The following NFATC2 variants were observed in gnomAD, a reference collection of about 807,000 sequenced individuals.
NFATC2 encodes the protein nuclear factor of activated T-cells, cytoplasmic 2.
A neutral mutation model predicts 87.3 loss-of-function variants in NFATC2; 22 were observed. That is an observed-to-expected ratio of 0.25 (90% CI 0.18 to 0.36). The LOEUF is 0.36. Among genes scored for constraint, NFATC2 ranks in the 10% least tolerant of loss-of-function variants. The probability of loss-of-function intolerance (pLI) is 1.00; values close to 1 mark genes in which losing one functional copy is unlikely to be tolerated. For synonymous variants in NFATC2, 565 were observed against 542.2 expected (o/e 1.04, Z -0.58); for missense variants, 1,149 against 1,259.1 (o/e 0.91, Z 1.32).
At chr20:51,517,002 A>G in intron 2 of NFATC2, 47 bp from the exon 3 acceptor site, 1 of 1,558,584 alleles carries the variant, frequency 6.4e-7, no homozygotes, top group South Asian at 1.2e-5. Flanking sequence ...AACCAAAATT[A>G]GTCAACTTGT....
rs574857121 is a variant in NFATC2, at chr20:51,472,100, AAAC to A, written c.1708+1877_1708+1879del. On this transcript the variant is annotated intron_variant, in intron 5 of 10. Transcript: ENST00000371564. Reference sequence around the variant, plus strand: ...AAACCCTGTCTCTACTAAAAAATACAAACAATTAGCCAGGCGTGGTAGTGGGTG... The same window carrying A: ...AAACCCTGTCTCTACTAAAAAATACAAATTAGCCAGGCGTGGTAGTGGGTG... Among the ~76,000 whole-genome samples the A allele has an allele frequency of 2.0e-4, 31 of 152,252 alleles. No individual in the cohort carries two copies. The East Asian group carries it at 6.0e-3, about 29-fold the overall frequency.
intron 6 of NFATC2, among the ~76,000 whole-genome samples, chr20:51,448,106 C>T (rs1442653552): frequency 6.6e-6 from 1 of 152,238 alleles, no homozygotes; most frequent in Non-Finnish European, 1.5e-5. Context: ...CGCTGAGACT[C>T]TGCTGTCAAG....
intron 9 of NFATC2, among the ~76,000 whole-genome samples, chr20:51,426,875 ACTG>A (rs983102315): frequency 5.5e-5 from 2 of 36,660 alleles, no homozygotes; most frequent in Non-Finnish European, 2.1e-4. Flanking sequence ...AGAATGCACT[ACTG>A]ATTTCTGAAT....
rs1403545895 is a variant in NFATC2, at chr20:51,471,996, C to T, written c.1708+1984G>A. On this transcript the variant is annotated intron_variant, in intron 5 of 10. Transcript: ENST00000371564. The stretch of plus-strand genomic sequence containing the variant: ...GGCCAGGTGTGGTGGCTCACACCTG[C>T]GATCCCAGCACTTTGGGAGGCTGAG... Among the ~76,000 whole-genome samples, 6 of 152,130 alleles carry T rather than the reference C, an allele frequency of 3.9e-5. No individual in the cohort carries two copies. In the East Asian group the frequency reaches 5.8e-4, roughly 15 times the overall value.
chr20:51,391,474 G>GC lies in NFATC2; in HGVS notation c.*45-24_*45-23insG, dbSNP rs577989142. The GC allele has an allele frequency of 5.2e-5, 82 of 1,585,032 alleles. 1 individual carries two copies. The highest frequency in any genetic ancestry group is 3.9e-4 in the Middle Eastern group (2 of 5,096). ...TAACTACAAAAGAAAAGAGGAGGGG[G>GC]GGGGAGAGAGAATGGGGCAAGTGAG... is the stretch of plus-strand genomic sequence containing the variant. On this transcript the variant is annotated intron_variant, in intron 10 of 10. Transcript: ENST00000371564.
chr20:51,529,680 C>T (rs78432639), intron 1 of NFATC2, among the ~76,000 whole-genome samples: 4,298 of 152,074 alleles, frequency 0.028, 195 homozygotes, highest in African/African-American at 0.097. Context: ...ACCACTTGCA[C>T]GATCTTTGCT....
chr20:51,542,449 G>T lies in NFATC2; in HGVS notation c.51C>A (p.Gly17=). The T allele has an allele frequency of 6.3e-7, 1 of 1,579,482 alleles. No homozygotes were observed. The highest frequency in any genetic ancestry group is 1.7e-4 in the Middle Eastern group (1 of 5,922). The change falls in exon 1 of 11, where the codon GGC becomes GGA. Residue 17 remains glycine, a synonymous_variant. Transcript: ENST00000371564. ...CTTGGGGGCTGCCCCCAGGCTCGTG[G>T]CCTGGGGCGTCCCCGCCGTCGGGTT... is the stretch of plus-strand genomic sequence containing the variant. The part of the protein sequence containing the change: ...QPQPDGGDAP[G]HEPGGSPQDE...
At chr20:51,452,336 A>T (rs897474462) in intron 6 of NFATC2, among the ~76,000 whole-genome samples, 2 of 152,054 alleles carry the variant, frequency 1.3e-5, no homozygotes, top group African/African-American at 4.8e-5. Flanking sequence ...TCCTGCTGTG[A>T]CAGCTCCTCC....
chr20:51,558,146 G>T (rs2076993734), intron 1 of NFATC2, among the ~76,000 whole-genome samples: 1 of 152,102 alleles, frequency 6.6e-6, no homozygotes. Flanking sequence ...TTCAAGACCA[G>T]CCTGGGAATC....
chr20:51,408,512 TA>T (rs11480882), intron 9 of NFATC2, among the ~76,000 whole-genome samples: 64 of 137,246 alleles, frequency 4.7e-4, no homozygotes, highest in African/African-American at 1.5e-3. Flanking sequence ...AGACTCTTTT[TA>T]AAAAAAAAAA....
rs371725432 is a variant in NFATC2, at chr20:51,391,000, C to T, written c.*496G>A. On this transcript the variant is annotated 3_prime_UTR_variant, in exon 11 of 11. Transcript: ENST00000371564. ...GAGCTGTATCTGTGACCTGGAAAAA[C>T]GAACGCAAGGGCTGGGGTTTAATCA... 52 of 338,252 alleles carry T rather than the reference C, an allele frequency of 1.5e-4. No individual in the cohort carries two copies. The highest frequency in any genetic ancestry group is 2.3e-4 in the Non-Finnish European group (39 of 171,932). 21.0% of individuals were successfully genotyped at this position (338,252 alleles called of 1,614,324 possible). A position where few individuals can be genotyped will look rare whatever the true frequency, so the allele number is the denominator to read the frequency against.
At chr20:51,537,324 C>T (rs1231866908) in intron 1 of NFATC2, among the ~76,000 whole-genome samples, 1 of 152,052 alleles carries the variant, frequency 6.6e-6, no homozygotes, top group Non-Finnish European at 1.5e-5. Context: ...GGAGCATGCA[C>T]ACGCATCGTG....
chr20:51,396,390 T>G (rs1987148350), intron 10 of NFATC2, among the ~76,000 whole-genome samples: 1 of 152,018 alleles, frequency 6.6e-6, no homozygotes, highest in African/African-American at 2.4e-5. Flanking sequence ...CAGGTGCAAT[T>G]TAAAGGACTT....
intron 1 of NFATC2, among the ~76,000 whole-genome samples, chr20:51,538,023 C>T (rs1291197410): frequency 6.6e-6 from 1 of 152,170 alleles, no homozygotes; most frequent in Admixed American, 6.5e-5. Context: ...CAAAGAAGCA[C>T]CAGGTCCAGG....
chr20:51,507,038 G>T (rs1040385646), intron 3 of NFATC2, among the ~76,000 whole-genome samples: 3 of 152,184 alleles, frequency 2.0e-5, no homozygotes, highest in Non-Finnish European at 2.9e-5. Flanking sequence ...TCCAGCCCCG[G>T]CTGGAGCGCT....
At chr20:51,395,608 G>T (rs1157714996) in intron 10 of NFATC2, among the ~76,000 whole-genome samples, 3 of 54,064 alleles carry the variant, frequency 5.5e-5, no homozygotes, top group Non-Finnish European at 6.7e-5. Context: ...TCTCACAGAG[G>T]TGCCCTAAAA....
rs1352809522 is a variant in NFATC2, at chr20:51,524,166, G to A, written c.131-56C>T. ...TTAAGCCTCAAAAACAGAACTCCCG[G>A]TGCAGAGCAATCACAGGCTGGATTT... is the stretch of plus-strand genomic sequence containing the variant. On this transcript the variant is annotated intron_variant, in intron 1 of 10. Coordinates refer to ENST00000371564, the MANE Select transcript of NFATC2 (RefSeq NM_012340.5). The surrounding 1 kb of genome is among the most constrained non-coding windows in gnomAD (Gnocchi z 4.0). The A allele has an allele frequency of 7.3e-7, 1 of 1,375,778 alleles. No homozygotes were observed. Among genetic ancestry groups the A allele is most frequent in the Non-Finnish European group, 9.5e-7 (1 of 1,052,146 alleles). 85.2% of individuals were successfully genotyped at this position (1,375,778 alleles called of 1,614,324 possible).
intron 5 of NFATC2, 96 bp downstream of exon 5, chr20:51,473,884 C>CA: frequency 1.5e-6 from 2 of 1,365,582 alleles, no homozygotes; most frequent in Admixed American, 4.5e-5. Flanking sequence ...TCCCGCAGGC[C>CA]ACCCCGGGTA....
chr20:51,474,032 C>T lies in NFATC2; in HGVS notation c.1656G>A (p.Glu552=), dbSNP rs898006765. ...VRLVFRVHIP[E]SSGRIVSLQT... is the part of the protein sequence containing the mutation. ...GTAAAGAGACGATTCTGCCACTGGA[C>T]TCTGGGATGTGAACTCGGAAAACCA... Residue 552 remains glutamate (E), a synonymous_variant, in exon 5 of 11, where the codon GAG becomes GAA. Coordinates refer to ENST00000371564, the MANE Select transcript of NFATC2 (RefSeq NM_012340.5). The T allele has an allele frequency of 1.2e-6, 2 of 1,614,280 alleles. No homozygotes were observed. The highest frequency in any genetic ancestry group is 1.7e-6 in the Non-Finnish European group (2 of 1,180,054).
Sources: gnomAD v4.1 joint callset for allele counts (sites outside exome capture counted in the v4.1 genomes callset) on GRCh38, gnomAD v4.1.1 for gene constraint, Gnocchi (gnomAD v3.1) non-coding constraint, MANE v1.5 for transcripts, NCBI Gene and HGNC (gene_info 2026-07-23, HGNC 2026-07-21) for gene names.